Variants in TSHZ1 observed in about 807,000 individuals in gnomAD.
The protein encoded by TSHZ1 is teashirt zinc finger homeobox 1.
TSHZ1 carries 12 observed loss-of-function variants against 67.1 expected under a neutral mutation model. The observed-to-expected ratio is 0.18, with a 90% CI of 0.11 to 0.29. TSHZ1 has a LOEUF of 0.29. Ranked by LOEUF, TSHZ1 falls within the 10% of genes least tolerant of loss-of-function variation. TSHZ1 has a pLI of 1.00. For missense variants in TSHZ1, 1,305 were observed against 1,413.9 expected, an observed-to-expected ratio of 0.92 and a Z score of 1.23; for synonymous variants, 632 against 622.4, an observed-to-expected ratio of 1.02 and a Z score of -0.23.
intron 1 of TSHZ1, among the ~76,000 whole-genome samples, chr18:75,229,040 A>C (rs2022961737): frequency 6.6e-6 from 1 of 152,222 alleles, no homozygotes; most frequent in Non-Finnish European, 1.5e-5. Flanking sequence ...TTTGTTGCAT[A>C]TGGTGGATAG....
Position 75,287,182 on chromosome 18 carries a change from T to C in TSHZ1, c.1775T>C (p.Leu592Pro), listed in dbSNP as rs1389196802. 4.3e-6 allele frequency: 7 copies of C among 1,613,538 alleles called. No homozygotes were observed. Among genetic ancestry groups the C allele is most frequent in the Non-Finnish European group, 5.1e-6 (6 of 1,179,838 alleles). ...CAGCTCCCGGGCACCGTGAAGCCAC[T>C]GCCGGCGGCCGTGCAGAGCGTGCAG... ...AYQLPGTVKP[L>P]PAAVQSVQVQ... Residue 592 changes from leucine to proline, a missense_variant, in exon 2 of 2, where the codon CTG (leucine) becomes CCG (proline). Physicochemically the swap from Leu to Pro is moderately conservative, Grantham distance 98. Around this residue, in one of 3 missense-constraint regions of TSHZ1, gnomAD observed 909 missense variants for 961.8 expected, o/e 0.95. Coordinates refer to ENST00000580243, the MANE Select transcript of TSHZ1 (RefSeq NM_001308210.2). This position sits in a 1 kb window ranked among gnomAD's most constrained non-coding sequence, Gnocchi z 5.0.
chr18:75,287,203 T>G lies in TSHZ1; in HGVS notation c.1796T>G (p.Val599Gly). 6.2e-7 allele frequency: 1 copy of G among 1,613,700 alleles called. No homozygotes were observed. ...CCACTGCCGGCGGCCGTGCAGAGCG[T>G]GCAGGTGCAGCCGTCCTATGCTGGC... Reference protein sequence around the residue: ...VKPLPAAVQSVQVQPSYAGGV... With the variant: ...VKPLPAAVQSGQVQPSYAGGV... The change falls in exon 2 of 2, where the codon GTG becomes GGG. Residue 599 changes from valine (V) to glycine (G), a missense_variant. By Grantham distance (109) the Val-to-Gly change is moderately radical. Coordinates refer to ENST00000580243, the MANE Select transcript of TSHZ1 (RefSeq NM_001308210.2). This position sits in a 1 kb window ranked among gnomAD's most constrained non-coding sequence, Gnocchi z 5.0.
At chr18:75,236,185 G>A (rs1041594419) in intron 1 of TSHZ1, among the ~76,000 whole-genome samples, 4 of 152,174 alleles carry the variant, frequency 2.6e-5, no homozygotes, top group African/African-American at 9.6e-5. Context: ...TAAGGGTGCT[G>A]GGGCCTCCCA....
chr18:75,247,349 T>A (rs138260247), intron 1 of TSHZ1, among the ~76,000 whole-genome samples: 1,948 of 152,306 alleles, frequency 0.013, 17 homozygotes, highest in South Asian at 0.022. Flanking sequence ...GCCTCTTCTC[T>A]CAGTGAGTGG....
intron 1 of TSHZ1, among the ~76,000 whole-genome samples, chr18:75,222,352 G>A (rs1424443740): frequency 6.6e-6 from 1 of 152,148 alleles, no homozygotes; most frequent in Non-Finnish European, 1.5e-5. Flanking sequence ...GGTGCAGAGA[G>A]GGAGTTTGTA....
At chr18:75,270,164 T>A (rs752629857) in intron 1 of TSHZ1, among the ~76,000 whole-genome samples, 11 of 152,180 alleles carry the variant, frequency 7.2e-5, no homozygotes, top group Non-Finnish European at 1.5e-4. Flanking sequence ...CACCCCCGGC[T>A]GTGGGGTGGA....
chr18:75,235,909 G>A (rs1277088810), intron 1 of TSHZ1, among the ~76,000 whole-genome samples: 1 of 152,160 alleles, frequency 6.6e-6, no homozygotes, highest in Non-Finnish European at 1.5e-5. Context: ...TTCTGAGATG[G>A]GGAGGCCACT....
intron 1 of TSHZ1, among the ~76,000 whole-genome samples, chr18:75,251,628 A>AT (rs2023305851): frequency 6.6e-6 from 1 of 151,464 alleles, no homozygotes; most frequent in South Asian, 2.1e-4. Flanking sequence ...CAGCATGGGT[A>AT]TTTTTTAATT....
Position 75,287,562 on chromosome 18 carries a change from C to G in TSHZ1, c.2155C>G (p.Leu719Val), listed in dbSNP as rs778338534. 1 of 1,614,228 alleles carries G rather than the reference C, an allele frequency of 6.2e-7. No individual in the cohort carries two copies. The highest frequency in any genetic ancestry group is 8.5e-7 in the Non-Finnish European group (1 of 1,180,048). ...DVHTPNGTEP[L>V]KAKVTNGCNN... is the part of the protein sequence containing the mutation. Reference sequence around the variant, plus strand: ...TCACACCCCAAATGGCACAGAGCCTCTCAAAGCAAAGGTCACCAACGGCTG... The same window carrying G: ...TCACACCCCAAATGGCACAGAGCCTGTCAAAGCAAAGGTCACCAACGGCTG... The change falls in exon 2 of 2, where the codon CTC becomes GTC. Residue 719 changes from leucine to valine, a missense_variant. Coordinates refer to ENST00000580243, the MANE Select transcript of TSHZ1 (RefSeq NM_001308210.2). This position sits in a 1 kb window ranked among gnomAD's most constrained non-coding sequence, Gnocchi z 5.0.
chr18:75,265,023 T>G (rs192507401), intron 1 of TSHZ1, among the ~76,000 whole-genome samples: 2 of 152,364 alleles, frequency 1.3e-5, no homozygotes, highest in Admixed American at 1.3e-4. Flanking sequence ...AATATGCTTC[T>G]GTTTTAAAAT....
rs2023010735 is a variant in TSHZ1 at position 75,232,326 on chromosome 18, A to C, written c.40+20410A>C. Among the ~76,000 whole-genome samples, 3 of 152,198 alleles carry C rather than the reference A, an allele frequency of 2.0e-5. No individual in the cohort carries two copies. The South Asian group carries it at 6.2e-4, about 32-fold the overall frequency. On this transcript the variant is annotated intron_variant, in intron 1 of 1. Coordinates refer to ENST00000580243, the MANE Select transcript of TSHZ1 (RefSeq NM_001308210.2). ...TCTACACAGATAATTTACACCAATA[A>C]AGCCAAATTTTAGGGGACTATGTGT... is the stretch of plus-strand genomic sequence containing the variant.
intron 1 of TSHZ1, among the ~76,000 whole-genome samples, chr18:75,259,392 A>ATAAGTTT (rs2023402675): frequency 6.6e-6 from 1 of 152,176 alleles, no homozygotes; most frequent in East Asian, 1.9e-4. Flanking sequence ...AAATAAATGC[A>ATAAGTTT]TAAGTTTTAA....
At chr18:75,226,704 C>T (rs2022930685) in intron 1 of TSHZ1, among the ~76,000 whole-genome samples, 1 of 152,120 alleles carries the variant, frequency 6.6e-6, no homozygotes, top group Non-Finnish European at 1.5e-5. Flanking sequence ...CACCAGCCCT[C>T]CCAGCCGCAG....
intron 1 of TSHZ1, among the ~76,000 whole-genome samples, chr18:75,251,299 A>G (rs764838067): frequency 3.9e-5 from 6 of 152,078 alleles, no homozygotes; most frequent in African/African-American, 7.2e-5. Context: ...TCCTACCCCA[A>G]TGTAGCTTAC....
chr18:75,223,047 C>T (rs556394906), intron 1 of TSHZ1, among the ~76,000 whole-genome samples: 3 of 152,266 alleles, frequency 2.0e-5, no homozygotes, highest in South Asian at 4.2e-4. Context: ...ACCTCCCTGC[C>T]TCCCAGCACT....
intron 1 of TSHZ1, among the ~76,000 whole-genome samples, chr18:75,233,103 C>G (rs2023021319): frequency 6.6e-6 from 1 of 152,344 alleles, no homozygotes; most frequent in South Asian, 2.1e-4. Context: ...GCCTCAGCAG[C>G]TCTGGAACTC....
At chr18:75,249,960 C>G (rs1040778521) in intron 1 of TSHZ1, among the ~76,000 whole-genome samples, 1 of 150,458 alleles carries the variant, frequency 6.6e-6, no homozygotes, top group Non-Finnish European at 1.5e-5. Flanking sequence ...TTCCTCGTCT[C>G]ACCCCTCCAG....
At chr18:75,244,307 C>T (rs2023195930) in intron 1 of TSHZ1, among the ~76,000 whole-genome samples, 7 of 152,234 alleles carry the variant, frequency 4.6e-5, no homozygotes, top group African/African-American at 1.4e-4. Flanking sequence ...GTTATTCACA[C>T]CGTAAAGTGG....
rs1046880023 is a variant in TSHZ1 at position 75,238,505 on chromosome 18, G to T, written c.40+26589G>T. Among the ~76,000 whole-genome samples, 7 of 152,152 alleles carry T rather than the reference G, an allele frequency of 4.6e-5. 1 individual carries two copies. Reference sequence around the variant, plus strand: ...TTTGTTTTCTGTACAGGGGGAGTGTGTTCTTGGAGTGAGACTAACTGAGAA... The same window carrying T: ...TTTGTTTTCTGTACAGGGGGAGTGTTTTCTTGGAGTGAGACTAACTGAGAA... On this transcript the variant is annotated intron_variant, in intron 1 of 1. Coordinates refer to ENST00000580243, the MANE Select transcript of TSHZ1 (RefSeq NM_001308210.2).
Sources: gnomAD v4.1 joint callset for allele counts (sites outside exome capture counted in the v4.1 genomes callset) on GRCh38, gnomAD v4.1.1 for gene constraint, gnomAD v4.1.1 regional missense constraint, Gnocchi (gnomAD v3.1) non-coding constraint, MANE v1.5 for transcripts, NCBI Gene and HGNC (gene_info 2026-07-23, HGNC 2026-07-21) for gene names.